ELMO1: variants seen among roughly 807,000 people sequenced by gnomAD.
ELMO1 encodes the protein engulfment and cell motility 1.
In ELMO1, 26 loss-of-function variants were observed where a neutral mutation model predicts 98.9. The observed-to-expected ratio is 0.26, with a 90% CI of 0.19 to 0.36. The LOEUF is 0.36. Ranked by LOEUF, ELMO1 falls within the 10% of genes least tolerant of loss-of-function variation. The probability of loss-of-function intolerance (pLI) is 1.00; values close to 1 mark genes in which losing one functional copy is unlikely to be tolerated. For missense variants in ELMO1, 627 were observed against 935.2 expected (o/e 0.67, Z 4.30); for synonymous variants, 346 against 346.0 (o/e 1.00, Z 0.00).
chr7:36,988,181 A>C (rs765465439), intron 16 of ELMO1, among the ~76,000 whole-genome samples: 17 of 152,222 alleles, frequency 1.1e-4, no homozygotes, highest in Non-Finnish European at 2.1e-4. Flanking sequence ...CAAAGCCAAC[A>C]CTGTCAATCT....
intron 16 of ELMO1, among the ~76,000 whole-genome samples, chr7:36,946,223 G>A (rs757352225): frequency 6.6e-6 from 1 of 152,240 alleles, no homozygotes; most frequent in Admixed American, 6.5e-5. Flanking sequence ...ATATTTACCT[G>A]TCGGGGCTGT....
intron 15 of ELMO1, among the ~76,000 whole-genome samples, chr7:37,024,505 G>A (rs551560180): frequency 1.1e-4 from 16 of 152,166 alleles, no homozygotes; most frequent in South Asian, 4.1e-4. Flanking sequence ...ATATTTCAGC[G>A]TATTATGGAT....
intron 1 of ELMO1, among the ~76,000 whole-genome samples, chr7:37,417,683 C>CACACACACAA (rs753914608): frequency 1.5e-4 from 22 of 146,210 alleles, no homozygotes; most frequent in Non-Finnish European, 2.4e-4. Flanking sequence ...CACACACACA[C>CACACACACAA]AAGCAAAAAT....
intron 1 of ELMO1, among the ~76,000 whole-genome samples, chr7:37,344,156 C>G (rs1027328461): frequency 2.0e-5 from 3 of 151,198 alleles, no homozygotes; most frequent in Admixed American, 1.3e-4. Flanking sequence ...CTCAGCTTCC[C>G]GAGTAGCTGG....
At chr7:37,113,762 T>A (rs921870326) in intron 14 of ELMO1, among the ~76,000 whole-genome samples, 2 of 152,052 alleles carry the variant, frequency 1.3e-5, no homozygotes, top group Non-Finnish European at 2.9e-5. Flanking sequence ...TAGGGTAGGG[T>A]CCGAATCCAG....
rs114747673 is a variant in ELMO1, at chr7:36,886,093, T to C, written c.1714+1467A>G. ...TCTTGGAACACCATTTACTCTGACA[T>C]GATGCCCGATGCAAGGAACGCGATG... On this transcript the variant is annotated intron_variant, in intron 18 of 21. Transcript: ENST00000310758. 6.4e-3 allele frequency among the ~76,000 whole-genome samples: 973 copies of C among 152,280 alleles called. 14 individuals are homozygous for C. Among genetic ancestry groups the C allele is most frequent in the African/African-American group, 0.022 (903 of 41,556 alleles).
chr7:37,190,845 C>T (rs912201294), intron 13 of ELMO1, among the ~76,000 whole-genome samples: 14 of 151,896 alleles, frequency 9.2e-5, no homozygotes, highest in Non-Finnish European at 1.5e-4. Context: ...TTTCAAAAAC[C>T]TATATGATCA....
chr7:37,208,409 T>C (rs1792760184), intron 13 of ELMO1, among the ~76,000 whole-genome samples: 5 of 152,242 alleles, frequency 3.3e-5, no homozygotes. Context: ...ATTGCCTACT[T>C]GGGAGCAGAA....
chr7:37,358,745 G>A (rs1367534827), intron 1 of ELMO1, among the ~76,000 whole-genome samples: 2 of 152,216 alleles, frequency 1.3e-5, no homozygotes, highest in East Asian at 3.8e-4. Context: ...TTTGGAGGCA[G>A]ACAGACCTGG....
At chr7:37,004,986 G>A (rs1327375104) in intron 16 of ELMO1, among the ~76,000 whole-genome samples, 2 of 151,296 alleles carry the variant, frequency 1.3e-5, no homozygotes, top group Non-Finnish European at 2.9e-5. Context: ...GTGCGTGCCT[G>A]TAATCCCAGC....
chr7:36,892,557 G>GA (rs1805655009), intron 17 of ELMO1, among the ~76,000 whole-genome samples: 2 of 152,096 alleles, frequency 1.3e-5, no homozygotes, highest in South Asian at 2.1e-4. Context: ...TTTGTGAAAT[G>GA]AAAAAATGAA....
At chr7:37,194,093 T>C (rs1451992833) in intron 13 of ELMO1, among the ~76,000 whole-genome samples, 2 of 152,238 alleles carry the variant, frequency 1.3e-5, no homozygotes, top group African/African-American at 4.8e-5. Flanking sequence ...ACTCGATGTA[T>C]GTCCTGGCCA....
At chr7:37,016,798 T>G (rs1163319284) in intron 15 of ELMO1, among the ~76,000 whole-genome samples, 2 of 152,202 alleles carry the variant, frequency 1.3e-5, no homozygotes, top group African/African-American at 4.8e-5. Context: ...AAATAGGAGA[T>G]TGAGAAAGGC....
At chr7:37,198,049 A>G (rs896972455) in intron 13 of ELMO1, among the ~76,000 whole-genome samples, 3 of 152,218 alleles carry the variant, frequency 2.0e-5, no homozygotes, top group Admixed American at 2.0e-4. Context: ...AATCTGCACA[A>G]GAGCAGGCAG....
At chr7:37,185,702 C>T (rs1201863583) in intron 13 of ELMO1, among the ~76,000 whole-genome samples, 1 of 152,024 alleles carries the variant, frequency 6.6e-6, no homozygotes, top group Admixed American at 6.6e-5. Flanking sequence ...TTATATAGGT[C>T]TACTTATAAT....
intron 1 of ELMO1, among the ~76,000 whole-genome samples, chr7:37,406,575 A>G (rs559428021): frequency 6.6e-6 from 1 of 151,864 alleles, no homozygotes; most frequent in Admixed American, 6.6e-5. Flanking sequence ...GACTACAGGC[A>G]GCTACCATCA....
intron 14 of ELMO1, among the ~76,000 whole-genome samples, chr7:37,105,676 A>G (rs992032649): frequency 6.6e-6 from 1 of 152,232 alleles, no homozygotes; most frequent in Non-Finnish European, 1.5e-5. Flanking sequence ...GGTCTGTCAC[A>G]TCTACATTCC....
chr7:36,875,246 C>T (rs1379591351), intron 19 of ELMO1, among the ~76,000 whole-genome samples: 1 of 150,010 alleles, frequency 6.7e-6, no homozygotes, highest in Non-Finnish European at 1.5e-5. Context: ...CAGCAAGAAA[C>T]TTCAGCTTAT....
At chr7:36,910,643 G>C (rs1188225957) in intron 16 of ELMO1, among the ~76,000 whole-genome samples, 1 of 152,180 alleles carries the variant, frequency 6.6e-6, no homozygotes, top group African/African-American at 2.4e-5. Context: ...AACCTCTCTA[G>C]GTCTCAGATT....
Sources: gnomAD v4.1 joint callset for allele counts (sites outside exome capture counted in the v4.1 genomes callset) on GRCh38, gnomAD v4.1.1 for gene constraint, MANE v1.5 for transcripts, NCBI Gene and HGNC (gene_info 2026-07-23, HGNC 2026-07-21) for gene names.